The following SLC60A2 variants were observed in gnomAD, a reference collection of about 807,000 sequenced individuals.
The protein encoded by SLC60A2 is major facilitator superfamily domain containing 4B.
At chr6:111,274,529 G>T in the SLC60A2 span, among the ~76,000 whole-genome samples, 1 of 152,114 alleles carries the variant, frequency 6.6e-6, no homozygotes, top group African/African-American at 2.4e-5. Context: ...GGCTGTTATT[G>T]ACAGGTGAAG....
the SLC60A2 span, chr6:111,266,586 T>C: frequency 1.2e-6 from 2 of 1,614,204 alleles, no homozygotes; most frequent in South Asian, 1.1e-5. Context: ...GAGTGGTGTT[T>C]CTTGGATTGA....
the SLC60A2 span, chr6:111,264,090 C>A: frequency 3.8e-6 from 2 of 532,096 alleles, no homozygotes; most frequent in Non-Finnish European, 6.8e-6. Flanking sequence ...AATGAATCAC[C>A]CTTCTAGCAG....
the SLC60A2 span, chr6:111,267,205 A>G: frequency 2.6e-5 from 35 of 1,340,038 alleles, no homozygotes; most frequent in Admixed American, 8.3e-4. Flanking sequence ...GAATTTCACC[A>G]TGCTTTGGGG....
the SLC60A2 span, chr6:111,266,651 C>T: frequency 3.1e-6 from 5 of 1,614,134 alleles, no homozygotes; most frequent in Non-Finnish European, 4.2e-6. Flanking sequence ...TTGGTGCTTC[C>T]CTGGGAGAAA....
At chr6:111,268,093 A>G in the SLC60A2 span, 1 of 152,220 alleles carries the variant, frequency 6.6e-6, no homozygotes, top group South Asian at 2.1e-4. Context: ...TTTGTGCAAA[A>G]TGTCTGCTAG....
chr6:111,262,171 T>C, the SLC60A2 span: 1 of 1,146,610 alleles, frequency 8.7e-7, no homozygotes, highest in Non-Finnish European at 1.2e-6. Context: ...CCGCCCCCCT[T>C]TTTTTTTATA....
At chr6:111,263,241 A>G in the SLC60A2 span, among the ~76,000 whole-genome samples, 1 of 152,188 alleles carries the variant, frequency 6.6e-6, no homozygotes, top group Non-Finnish European at 1.5e-5. Flanking sequence ...CAAAGCTTTT[A>G]GCATATACTT....
chr6:111,262,532 G>C, the SLC60A2 span: 1 of 1,071,348 alleles, frequency 9.3e-7, no homozygotes, highest in Non-Finnish European at 1.4e-6. Flanking sequence ...CACTGAAATG[G>C]GTAGTGTTTA....
the SLC60A2 span, chr6:111,266,988 A>G: frequency 6.2e-7 from 1 of 1,614,110 alleles, no homozygotes; most frequent in African/African-American, 1.3e-5. Flanking sequence ...AAGTAGTCTG[A>G]CGGAGCCCAC....
At chr6:111,260,035 C>G in the SLC60A2 span, among the ~76,000 whole-genome samples, 2 of 151,910 alleles carry the variant, frequency 1.3e-5, no homozygotes, top group Non-Finnish European at 2.9e-5. Context: ...GTCAGCCTCC[C>G]GAGTAGCTGG....
At chr6:111,267,170 C>T in the SLC60A2 span, 69 of 1,503,210 alleles carry the variant, frequency 4.6e-5, no homozygotes, top group South Asian at 2.4e-4. Context: ...CTTCTAAGGA[C>T]GCCATTCAGA....
At chr6:111,269,018 A>G in the SLC60A2 span, 1 of 152,126 alleles carries the variant, frequency 6.6e-6, no homozygotes, top group Admixed American at 6.5e-5. Flanking sequence ...GCTTTCTCTT[A>G]CTTAATTTCT....
the SLC60A2 span, chr6:111,263,784 G>A: frequency 1.2e-5 from 12 of 1,015,266 alleles, no homozygotes; most frequent in African/African-American, 6.3e-5. Context: ...CTTGATCCAT[G>A]ACTGCATGGA....
the SLC60A2 span, among the ~76,000 whole-genome samples, chr6:111,275,411 T>TC: frequency 1.4e-5 from 2 of 140,014 alleles, no homozygotes; most frequent in East Asian, 4.0e-4. Flanking sequence ...CAGAACAACT[T>TC]TTTTTTTTTT....
the SLC60A2 span, chr6:111,263,781 C>T: frequency 1.3e-5 from 13 of 980,842 alleles, no homozygotes; most frequent in Non-Finnish European, 2.1e-5. Flanking sequence ...TGACTTGATC[C>T]ATGACTGCAT....
chr6:111,273,992 T>C, the SLC60A2 span, among the ~76,000 whole-genome samples: 1 of 150,610 alleles, frequency 6.6e-6, no homozygotes, highest in Non-Finnish European at 1.5e-5. Context: ...AGTGCTGAAA[T>C]TACAGGCATG....
the SLC60A2 span, chr6:111,271,192 A>G: frequency 4.3e-5 from 6 of 141,106 alleles, no homozygotes; most frequent in Non-Finnish European, 9.4e-5. Flanking sequence ...AAAAAAAAAA[A>G]AGGAAATACA....
chr6:111,260,740 C>T, the SLC60A2 span, among the ~76,000 whole-genome samples: 32 of 152,012 alleles, frequency 2.1e-4, no homozygotes, highest in Middle Eastern at 3.4e-3. Flanking sequence ...TGATTGGGGG[C>T]GGTGGGGAGG....
the SLC60A2 span, chr6:111,265,726 A>G: frequency 9.2e-6 from 6 of 655,248 alleles, no homozygotes; most frequent in Admixed American, 1.7e-4. Flanking sequence ...CTTTCTCAGA[A>G]TTGATTTAGT....
Sources: gnomAD v4.1 joint callset for allele counts (sites outside exome capture counted in the v4.1 genomes callset) on GRCh38, gnomAD v4.1.1 for gene constraint, MANE v1.5 for transcripts, NCBI Gene and HGNC (gene_info 2026-07-23, HGNC 2026-07-21) for gene names.